The following RFC3 variants were observed in gnomAD, a reference collection of about 807,000 sequenced individuals.
RFC3 encodes replication factor C subunit 3.
Under a neutral mutation model 45.1 loss-of-function variants are expected in RFC3, and 41 were observed. That is an observed-to-expected ratio of 0.91 (90% CI 0.71 to 1.18). The LOEUF (loss-of-function observed/expected upper bound fraction) is 1.18, where lower values mean the gene tolerates loss of function less well. Ranked by LOEUF, RFC3 falls within the 50% of genes most tolerant of loss-of-function variation. The pLI, the probability that RFC3 is intolerant of heterozygous loss-of-function variation, is 0.00. For synonymous variants in RFC3, 149 were observed against 144.0 expected, an observed-to-expected ratio of 1.03 and a Z score of -0.25; for missense variants, 423 against 428.1, an observed-to-expected ratio of 0.99 and a Z score of 0.10.
chr13:33,887,561 A>G (rs916518762), intron 8 of RFC3, among the ~76,000 whole-genome samples: 1 of 151,876 alleles, frequency 6.6e-6, no homozygotes, highest in Admixed American at 6.6e-5. Flanking sequence ...GTAGGTTGCG[A>G]AAATTTTCTC....
intron 8 of RFC3, chr13:33,847,811 G>A (rs1388587999): frequency 1.3e-5 from 2 of 152,164 alleles, no homozygotes; most frequent in African/African-American, 2.4e-5. Context: ...TGTATCCAGT[G>A]AACTTTTAAT....
At chr13:33,965,078 G>C (rs914907747) in intron 8 of RFC3, among the ~76,000 whole-genome samples, 1 of 152,112 alleles carries the variant, frequency 6.6e-6, no homozygotes, top group Non-Finnish European at 1.5e-5. Context: ...TGAACTTCTG[G>C]TCTCTAGAAT....
intron 8 of RFC3, among the ~76,000 whole-genome samples, chr13:33,860,381 C>T (rs2082333407): frequency 6.6e-6 from 1 of 152,050 alleles, no homozygotes; most frequent in Non-Finnish European, 1.5e-5. Flanking sequence ...ATTTGCCCTC[C>T]ATGACTGCAC....
chr13:33,836,690 G>A lies in RFC3; in HGVS notation c.*395G>A, dbSNP rs56050371. On this transcript the variant is annotated 3_prime_UTR_variant, in exon 9 of 9. Coordinates refer to ENST00000380071, the MANE Select transcript of RFC3 (RefSeq NM_002915.4). ...TCTGCCACAGGTAACATGATTGTTT[G>A]ACACACCATTATATTTAATTCTAGT... The A allele has an allele frequency of 7.7e-5, 76 of 987,842 alleles. No homozygotes were observed. In the African/African-American group the frequency reaches 1.3e-3, roughly 17 times the overall value. The allele number at this position is 987,842 out of a possible 1,614,324, so 61.2% of individuals were successfully genotyped here.
downstream of RFC3, among the ~76,000 whole-genome samples, chr13:33,968,142 T>A (rs1566046256): frequency 6.6e-6 from 1 of 152,212 alleles, no homozygotes; most frequent in South Asian, 2.1e-4. Context: ...TACTCCTTTT[T>A]TTTGAGATGG....
intron 1 of RFC3, among the ~76,000 whole-genome samples, chr13:33,819,809 C>G (rs1024750016): frequency 1.3e-5 from 2 of 152,146 alleles, no homozygotes; most frequent in Non-Finnish European, 2.9e-5. Context: ...GAAATGTTCA[C>G]CTGTTTACTC....
chr13:33,976,510 A>G, the RFC3 span, among the ~76,000 whole-genome samples: 1 of 152,154 alleles, frequency 6.6e-6, no homozygotes, highest in Non-Finnish European at 1.5e-5. Flanking sequence ...GTAGAGTAGG[A>G]TAACTATAGT....
chr13:33,890,039 T>C (rs1566018026), intron 8 of RFC3, among the ~76,000 whole-genome samples: 1 of 152,128 alleles, frequency 6.6e-6, no homozygotes, highest in Non-Finnish European at 1.5e-5. Context: ...CTATATATTT[T>C]ATATATGTAT....
intron 8 of RFC3, among the ~76,000 whole-genome samples, chr13:33,904,917 A>G (rs915999136): frequency 5.3e-5 from 8 of 152,028 alleles, no homozygotes; most frequent in Non-Finnish European, 1.2e-4. Context: ...AGACCGAACA[A>G]TATGTTGTTT....
chr13:33,885,872 A>G (rs1020621256), intron 8 of RFC3, among the ~76,000 whole-genome samples: 1 of 152,152 alleles, frequency 6.6e-6, no homozygotes, highest in African/African-American at 2.4e-5. Context: ...TCTAGTAGAC[A>G]CTGAGTCACA....
intron 4 of RFC3, 180 bp from the exon 5 acceptor site, chr13:33,829,656 A>T: frequency 1.6e-6 from 1 of 617,280 alleles, no homozygotes; most frequent in Non-Finnish European, 2.8e-6. Flanking sequence ...GTATGATTGT[A>T]GCATTTTAAA....
chr13:33,964,965 C>T (rs1373334757), intron 8 of RFC3, among the ~76,000 whole-genome samples: 2 of 129,650 alleles, frequency 1.5e-5, no homozygotes, highest in Non-Finnish European at 3.3e-5. Context: ...GATGTGGCCA[C>T]AAGCCAAGGG....
chr13:33,875,889 G>A (rs991089244), intron 8 of RFC3, among the ~76,000 whole-genome samples: 13 of 152,216 alleles, frequency 8.5e-5, no homozygotes, highest in African/African-American at 3.1e-4. Context: ...CCTGGCATCA[G>A]TTTCCTGAAG....
At chr13:33,848,693 C>T (rs1301134954) in intron 8 of RFC3, 2 of 151,728 alleles carry the variant, frequency 1.3e-5, no homozygotes, top group African/African-American at 4.8e-5. Flanking sequence ...TCAAATGAAC[C>T]ATAACAGGCA....
chr13:33,955,840 G>T (rs960087512), intron 8 of RFC3, among the ~76,000 whole-genome samples: 1 of 152,130 alleles, frequency 6.6e-6, no homozygotes, highest in African/African-American at 2.4e-5. Context: ...TTCAGGAGGC[G>T]CATGTGCAGG....
intron 7 of RFC3, among the ~76,000 whole-genome samples, chr13:33,834,329 T>TATATATATATATATACACACATAC (rs1300798923): frequency 3.2e-5 from 4 of 125,106 alleles, no homozygotes; most frequent in African/African-American, 1.0e-4. Flanking sequence ...TATATATATA[T>TATATATATATATATACACACATAC]ATCTGTACTG....
At chr13:33,842,177 G>A (rs564987231), downstream of RFC3, among the ~76,000 whole-genome samples, 1 of 151,990 alleles carries the variant, frequency 6.6e-6, no homozygotes, top group South Asian at 2.1e-4. Context: ...GGGCCCAGCC[G>A]CTAGTGGGGC....
At chr13:33,924,916 A>G (rs1277266737) in intron 8 of RFC3, among the ~76,000 whole-genome samples, 1 of 150,646 alleles carries the variant, frequency 6.6e-6, no homozygotes, top group Non-Finnish European at 1.5e-5. Flanking sequence ...ACCAAAAGAC[A>G]AAAGACAAAA....
intron 8 of RFC3, among the ~76,000 whole-genome samples, chr13:33,852,641 GT>G (rs1244599507): frequency 6.6e-6 from 1 of 152,188 alleles, no homozygotes; most frequent in Non-Finnish European, 1.5e-5. Flanking sequence ...GCCTACAAAT[GT>G]GGGTCTTGGA....
Sources: gnomAD v4.1 joint callset for allele counts (sites outside exome capture counted in the v4.1 genomes callset) on GRCh38, gnomAD v4.1.1 for gene constraint, MANE v1.5 for transcripts, NCBI Gene and HGNC (gene_info 2026-07-23, HGNC 2026-07-21) for gene names.